Variants in SNAP23 observed in about 807,000 individuals in gnomAD.
SNAP23 encodes synaptosomal-associated protein 23.
Under a neutral mutation model 29.0 loss-of-function variants are expected in SNAP23, and 11 were observed. The ratio of observed to expected loss-of-function variants is 0.38; its 90% CI spans 0.24 to 0.63. The LOEUF is 0.63. Ranked by LOEUF, SNAP23 falls within the 20% of genes least tolerant of loss-of-function variation. SNAP23 has a pLI of 0.58. For synonymous variants in SNAP23, 60 were observed against 82.9 expected (o/e 0.72, Z 1.50); for missense variants, 220 against 253.9 (o/e 0.87, Z 0.91).
chr15:42,528,156 T>TAGAAAA, intron 5 of SNAP23, 106 bp from the exon 6 acceptor site: 1 of 806,102 alleles, frequency 1.2e-6, no homozygotes, highest in Non-Finnish European at 1.9e-6. Context: ...TATGCAGCTT[T>TAGAAAA]TCTACTAGAG....
chr15:42,511,833 A>C lies in SNAP23; in HGVS notation c.-14A>C, dbSNP rs772389017. 6.4e-7 allele frequency: 1 copy of C among 1,566,842 alleles called. No individual in the cohort carries two copies. Among genetic ancestry groups the C allele is most frequent in the African/African-American group, 1.4e-5 (1 of 73,748 alleles). Reference sequence around the variant, plus strand: ...ACATTTCCATTTCTGTGCCTAATAGAGTTTTGATTCATCATGGATAATCTG... The same window carrying C: ...ACATTTCCATTTCTGTGCCTAATAGCGTTTTGATTCATCATGGATAATCTG... On this transcript the variant is annotated splice_region_variant and 5_prime_UTR_variant, in exon 2 of 8. Coordinates refer to ENST00000249647, the MANE Select transcript of SNAP23 (RefSeq NM_003825.4).
intron 1 of SNAP23, among the ~76,000 whole-genome samples, chr15:42,497,789 C>T (rs1000529008): frequency 6.6e-6 from 1 of 152,176 alleles, no homozygotes; most frequent in Non-Finnish European, 1.5e-5. Flanking sequence ...GTCCCTTTTG[C>T]CTAGGAGCCT....
intron 1 of SNAP23, among the ~76,000 whole-genome samples, chr15:42,509,515 C>T (rs1050226215): frequency 3.3e-5 from 5 of 150,828 alleles, no homozygotes; most frequent in African/African-American, 9.8e-5. Flanking sequence ...TCTTGGCTCA[C>T]TGCAACCTCT....
At chr15:42,531,336 G>C (rs1408115821) in intron 7 of SNAP23, 77 bp from the exon 8 acceptor site, 11 of 938,682 alleles carry the variant, frequency 1.2e-5, no homozygotes, top group South Asian at 9.4e-5. Flanking sequence ...TGGTGTGTCA[G>C]TTACTCCAAG....
At chr15:42,524,007 G>A (rs890330801) in intron 5 of SNAP23, among the ~76,000 whole-genome samples, 5 of 151,742 alleles carry the variant, frequency 3.3e-5, no homozygotes, top group Non-Finnish European at 5.9e-5. Flanking sequence ...TAGTAGAGAC[G>A]GGGTTTCACC....
chr15:42,504,917 A>G (rs932468420), intron 1 of SNAP23, among the ~76,000 whole-genome samples: 2 of 152,216 alleles, frequency 1.3e-5, no homozygotes, highest in Admixed American at 6.5e-5. Context: ...ACTTAAAAGT[A>G]CAGTAATAAA....
intron 4 of SNAP23, among the ~76,000 whole-genome samples, chr15:42,514,213 C>G (rs1450996519): frequency 1.3e-5 from 2 of 151,846 alleles, no homozygotes; most frequent in Admixed American, 1.3e-4. Context: ...TCGTGGCTTA[C>G]TCCAGGATCC....
At chr15:42,499,299 C>T (rs1470328017) in intron 1 of SNAP23, among the ~76,000 whole-genome samples, 3 of 152,108 alleles carry the variant, frequency 2.0e-5, no homozygotes, top group Admixed American at 1.3e-4. Flanking sequence ...CTCGAGCTCC[C>T]GACCTCAGGT....
chr15:42,497,579 A>G (rs1195878218), intron 1 of SNAP23, among the ~76,000 whole-genome samples: 2 of 151,924 alleles, frequency 1.3e-5, no homozygotes, highest in Admixed American at 1.3e-4. Flanking sequence ...GCCTGACCTC[A>G]TGATCCACCC....
At chr15:42,505,666 C>T (rs1201745754) in intron 1 of SNAP23, 1 of 151,496 alleles carries the variant, frequency 6.6e-6, no homozygotes, top group Non-Finnish European at 1.5e-5. Context: ...ATCAACTCTC[C>T]TGTCTCAGCC....
At chr15:42,526,488 G>A (rs1294020317) in intron 5 of SNAP23, among the ~76,000 whole-genome samples, 1 of 152,118 alleles carries the variant, frequency 6.6e-6, no homozygotes, top group African/African-American at 2.4e-5. Context: ...TATCCTTTCT[G>A]TAATGTTAAT....
chr15:42,525,714 G>A (rs2057496367), intron 5 of SNAP23, among the ~76,000 whole-genome samples: 2 of 151,542 alleles, frequency 1.3e-5, no homozygotes, highest in African/African-American at 4.8e-5. Context: ...TGCCTGCCTC[G>A]GCCTCCCAAA....
chr15:42,502,091 G>A (rs1167036401), intron 1 of SNAP23, among the ~76,000 whole-genome samples: 4 of 148,828 alleles, frequency 2.7e-5, no homozygotes, highest in Admixed American at 1.4e-4. Flanking sequence ...GCAGTGGCGC[G>A]ATCTTGGCTG....
At chr15:42,513,755 C>T (rs528822930) in intron 4 of SNAP23, among the ~76,000 whole-genome samples, 1 of 152,192 alleles carries the variant, frequency 6.6e-6, no homozygotes, top group African/African-American at 2.4e-5. Context: ...CACCTGCCAC[C>T]ACACCCAACT....
intron 1 of SNAP23, among the ~76,000 whole-genome samples, chr15:42,508,851 C>T (rs961827510): frequency 2.0e-5 from 3 of 152,180 alleles, no homozygotes; most frequent in Non-Finnish European, 2.9e-5. Flanking sequence ...CAGAATGTCT[C>T]CCGACCCACA....
chr15:42,521,032 T>C (rs1353962192), intron 5 of SNAP23, among the ~76,000 whole-genome samples: 1 of 152,230 alleles, frequency 6.6e-6, no homozygotes, highest in Non-Finnish European at 1.5e-5. Context: ...TAGTGCTTCT[T>C]CCATCCTGCT....
chr15:42,523,122 A>T lies in SNAP23; in HGVS notation c.267-5140A>T, dbSNP rs538560164. On this transcript the variant is annotated intron_variant, in intron 5 of 7. Transcript: ENST00000249647. ...TGGCCTCCCAAAATGCTGAAATTAC[A>T]GGCGTGAGCCACACACCCGAAAACT... Among the ~76,000 whole-genome samples, 4 of 152,118 alleles carry T rather than the reference A, an allele frequency of 2.6e-5. No individual in the cohort carries two copies. In the South Asian group the frequency reaches 8.3e-4, roughly 32 times the overall value.
intron 1 of SNAP23, among the ~76,000 whole-genome samples, chr15:42,508,301 A>T (rs984567161): frequency 1.3e-5 from 2 of 151,728 alleles, no homozygotes; most frequent in Non-Finnish European, 2.9e-5. Flanking sequence ...AAAAGAAAAT[A>T]CGGTATTCAT....
intron 1 of SNAP23, among the ~76,000 whole-genome samples, chr15:42,511,179 G>A (rs939680324): frequency 1.3e-5 from 2 of 152,190 alleles, no homozygotes; most frequent in Non-Finnish European, 2.9e-5. Flanking sequence ...CTGAGTTACT[G>A]TGTATAGGAG....
Sources: gnomAD v4.1 joint callset for allele counts (sites outside exome capture counted in the v4.1 genomes callset) on GRCh38, gnomAD v4.1.1 for gene constraint, MANE v1.5 for transcripts, NCBI Gene and HGNC (gene_info 2026-07-23, HGNC 2026-07-21) for gene names.